The following SERPINB8 variants were observed in gnomAD, a reference collection of about 807,000 sequenced individuals.
SERPINB8 encodes serpin B8.
In SERPINB8, 25 loss-of-function variants were observed where a neutral mutation model predicts 35.3. That is an observed-to-expected ratio of 0.71 (90% CI 0.52 to 0.99). The LOEUF (loss-of-function observed/expected upper bound fraction) is 0.99. Among genes scored for constraint, SERPINB8 ranks in the 50% least tolerant of loss-of-function variants. The probability of loss-of-function intolerance (pLI) is 0.00; values close to 1 mark genes in which losing one functional copy is unlikely to be tolerated. For synonymous variants in SERPINB8, 186 were observed against 160.8 expected, an observed-to-expected ratio of 1.16 and a Z score of -1.19; for missense variants, 484 against 446.5, an observed-to-expected ratio of 1.08 and a Z score of -0.76.
chr18:64,006,043 G>GA (rs541210867), downstream of SERPINB8, among the ~76,000 whole-genome samples: 92 of 152,242 alleles, frequency 6.0e-4, no homozygotes, highest in South Asian at 0.019. Flanking sequence ...GTCCTGCATT[G>GA]AAAAATTGTC....
chr18:63,970,141 C>T lies in SERPINB8; in HGVS notation c.-40C>T. On this transcript the variant is annotated 5_prime_UTR_variant, in exon 1 of 7. Transcript: ENST00000397985. ...ATAGTCAAAGCAGCAGCGGCGGCGG[C>T]GGCGGCGGCAGCAGCAGCAGCAGCA... The T allele has an allele frequency of 2.7e-6, 1 of 367,550 alleles. No individual in the cohort carries two copies. Among genetic ancestry groups the T allele is most frequent in the South Asian group, 2.1e-5 (1 of 48,474 alleles). 22.8% of individuals were successfully genotyped at this position (367,550 alleles called of 1,614,324 possible). A position where few individuals can be genotyped will look rare whatever the true frequency, so the allele number is the denominator to read the frequency against.
intron 7 of SERPINB8, among the ~76,000 whole-genome samples, chr18:64,018,550 T>C (rs1489296559): frequency 1.3e-5 from 2 of 152,206 alleles, no homozygotes; most frequent in African/African-American, 4.8e-5. Context: ...GCTAAAGACA[T>C]TGTGTTTAGT....
intron 2 of SERPINB8, among the ~76,000 whole-genome samples, 177 bp from the exon 3 acceptor site, chr18:63,979,624 G>C (rs900737722): frequency 6.6e-6 from 1 of 152,156 alleles, no homozygotes; most frequent in African/African-American, 2.4e-5. Flanking sequence ...AAGTGTCCTG[G>C]CCCCAAATGT....
intron 1 of SERPINB8, among the ~76,000 whole-genome samples, chr18:63,973,913 G>A (rs1168249684): frequency 6.6e-6 from 1 of 152,186 alleles, no homozygotes; most frequent in Non-Finnish European, 1.5e-5. Context: ...TTTGAAGTCA[G>A]GTAATGTGAT....
chr18:63,973,951 G>C (rs533273126), intron 1 of SERPINB8, among the ~76,000 whole-genome samples: 2 of 152,186 alleles, frequency 1.3e-5, no homozygotes, highest in African/African-American at 4.8e-5. Flanking sequence ...TTTTGCTTAG[G>C]ATTGTCTTGG....
chr18:63,981,034 A>G (rs2050662743), intron 3 of SERPINB8, among the ~76,000 whole-genome samples: 1 of 152,036 alleles, frequency 6.6e-6, no homozygotes, highest in Admixed American at 6.6e-5. Flanking sequence ...ACACATGTAC[A>G]CACACACACA....
At chr18:64,006,460 C>A (rs1036398795), downstream of SERPINB8, among the ~76,000 whole-genome samples, 1 of 152,050 alleles carries the variant, frequency 6.6e-6, no homozygotes, top group Non-Finnish European at 1.5e-5. Context: ...ACTAACACAC[C>A]GAGGAAATGC....
At chr18:64,000,837 A>C in intron 1 of SERPINB8, among the ~76,000 whole-genome samples, 1 of 152,172 alleles carries the variant, frequency 6.6e-6, no homozygotes, top group East Asian at 1.9e-4. Flanking sequence ...CATTTGGCTC[A>C]GTGTCTTAAT....
At chr18:63,974,214 A>G (rs1027426748) in intron 1 of SERPINB8, among the ~76,000 whole-genome samples, 2 of 152,184 alleles carry the variant, frequency 1.3e-5, no homozygotes, top group Non-Finnish European at 2.9e-5. Flanking sequence ...GTTATAGAGC[A>G]CCTGACTGGC....
chr18:63,974,090 A>G (rs987742028), intron 1 of SERPINB8, among the ~76,000 whole-genome samples: 6 of 152,186 alleles, frequency 3.9e-5, no homozygotes, highest in Non-Finnish European at 7.3e-5. Flanking sequence ...CCCAGCTTTT[A>G]AAGCCAGCTT....
intron 1 of SERPINB8, among the ~76,000 whole-genome samples, chr18:63,974,109 A>C (rs2050540712): frequency 6.6e-6 from 1 of 152,184 alleles, no homozygotes; most frequent in African/African-American, 2.4e-5. Context: ...TTCTCTGGAA[A>C]GTCTTTCCAG....
intron 1 of SERPINB8, among the ~76,000 whole-genome samples, chr18:64,000,857 C>G (rs2050870925): frequency 6.6e-6 from 1 of 152,220 alleles, no homozygotes; most frequent in Non-Finnish European, 1.5e-5. Context: ...TGGACCACCT[C>G]AACACCTGGC....
At chr18:63,979,565 G>A (rs1162670904) in intron 2 of SERPINB8, among the ~76,000 whole-genome samples, 2 of 152,112 alleles carry the variant, frequency 1.3e-5, no homozygotes, top group Non-Finnish European at 2.9e-5. Flanking sequence ...TCTAGTGGAT[G>A]GAAGCCAGAA....
At chr18:63,976,985 A>G (rs1568269697) in intron 1 of SERPINB8, among the ~76,000 whole-genome samples, 1 of 152,082 alleles carries the variant, frequency 6.6e-6, no homozygotes, top group Non-Finnish European at 1.5e-5. Flanking sequence ...AAATTTGGTG[A>G]AATGTATCTA....
At position 63,985,223 on chromosome 18, in the gene SERPINB8, A is replaced by G; in HGVS notation, c.698A>G (p.Asp233Gly). 6.2e-7 allele frequency: 1 copy of G among 1,614,198 alleles called. No homozygotes were observed. Among genetic ancestry groups the G allele is most frequent in the Non-Finnish European group, 8.5e-7 (1 of 1,180,034 alleles). The stretch of plus-strand genomic sequence containing the variant: ...CTGAGCATGGTCATTCTGCTTCCCG[A>G]TGACAACACGGACCTCGCCGTGGTA... ...EELSMVILLP[D>G]DNTDLAVVEK... The change falls in exon 6 of 7, where the codon GAT becomes GGT. Residue 233 changes from aspartate (D) to glycine (G), a missense_variant. By Grantham distance (94) the Asp-to-Gly change is moderately conservative (BLOSUM62 -1). Coordinates refer to ENST00000397985, the MANE Select transcript of SERPINB8 (RefSeq NM_002640.4).
At position 63,987,080 on chromosome 18, in the gene SERPINB8, T is replaced by G. The variant is rs768850825; in HGVS notation, c.927T>G (p.Pro309=). ...GAATGTCAACTGAGAAGAATGTGCC[T>G]CTGTCCAAGGTTGCCCACAAGTGCT... ...FSGMSTEKNV[P]LSKVAHKCFV... Residue 309 remains proline (P), a synonymous_variant, in exon 7 of 7, where the codon CCT becomes CCG. Coordinates refer to ENST00000397985, the MANE Select transcript of SERPINB8 (RefSeq NM_002640.4). 6.2e-7 allele frequency: 1 copy of G among 1,614,224 alleles called. No individual in the cohort carries two copies. The highest frequency in any genetic ancestry group is 8.5e-7 in the Non-Finnish European group (1 of 1,180,040).
intron 7 of SERPINB8, among the ~76,000 whole-genome samples, chr18:64,012,549 C>T (rs2050930241): frequency 6.9e-6 from 1 of 145,952 alleles, no homozygotes. Context: ...TTTGGTTATT[C>T]CTTTTTAATA....
At chr18:64,009,910 A>G (rs1421701479), downstream of SERPINB8, among the ~76,000 whole-genome samples, 1 of 152,212 alleles carries the variant, frequency 6.6e-6, no homozygotes, top group Admixed American at 6.5e-5. Flanking sequence ...TGACAAAACA[A>G]TAAGAGGAAA....
chr18:64,012,632 A>G (rs1044709494), intron 7 of SERPINB8, among the ~76,000 whole-genome samples: 5 of 151,850 alleles, frequency 3.3e-5, no homozygotes, highest in African/African-American at 1.2e-4. Context: ...TAAAAATCCT[A>G]TCAAAATTTT....
Sources: allele counts gnomAD v4.1 joint callset (sites outside exome capture counted in the v4.1 genomes callset), GRCh38; gene constraint gnomAD v4.1.1; transcripts MANE v1.5; gene names NCBI Gene and HGNC (gene_info 2026-07-23, HGNC 2026-07-21).